Variants in LRRC7 observed in about 807,000 individuals in gnomAD.
LRRC7 encodes leucine-rich repeat-containing protein 7.
LRRC7 carries 23 observed loss-of-function variants against 175.7 expected under a neutral mutation model. The observed-to-expected ratio is 0.13, with a 90% CI of 0.09 to 0.19. The LOEUF is 0.19. LRRC7 is among the 10% of genes least tolerant of loss of function. The pLI, the probability that LRRC7 is intolerant of heterozygous loss-of-function variation, is 1.00. For synonymous variants in LRRC7, 685 were observed against 680.9 expected (o/e 1.01, Z -0.09); for missense variants, 1,354 against 1,904.7 (o/e 0.71, Z 5.38).
At chr1:70,073,367 T>C (rs1275730830) in intron 23 of LRRC7, among the ~76,000 whole-genome samples, 1 of 152,024 alleles carries the variant, frequency 6.6e-6, no homozygotes, top group African/African-American at 2.4e-5. Context: ...GTCTGAAGGC[T>C]ATTACACCGG....
Position 70,111,819 on chromosome 1 carries a change from C to A in LRRC7, c.4620+3993C>A, listed in dbSNP as rs74755132. On this transcript the variant is annotated intron_variant, in intron 26 of 26. Coordinates refer to ENST00000651989, the MANE Select transcript of LRRC7 (RefSeq NM_001370785.2). ...AACCCTCTCCTCTTCATTTACCCAC[C>A]CCCATCTCCATACATAAGCCTAATT... Among the ~76,000 whole-genome samples, 25 of 152,212 alleles carry A rather than the reference C, an allele frequency of 1.6e-4. No homozygotes were observed. The East Asian group carries it at 4.8e-3, about 29-fold the overall frequency.
At chr1:70,042,144 T>C (rs1166887518) in intron 21 of LRRC7, among the ~76,000 whole-genome samples, 1 of 152,210 alleles carries the variant, frequency 6.6e-6, no homozygotes, top group Non-Finnish European at 1.5e-5. Context: ...CTCTTTCTTT[T>C]GTTTTCGCCA....
intron 4 of LRRC7, among the ~76,000 whole-genome samples, chr1:69,820,721 A>G (rs1011367255): frequency 1.4e-4 from 22 of 152,146 alleles, no homozygotes; most frequent in African/African-American, 5.3e-4. Context: ...ATAGTATTCC[A>G]TGGTGTATAT....
chr1:69,969,012 G>A (rs968663720), intron 8 of LRRC7, among the ~76,000 whole-genome samples: 2 of 151,810 alleles, frequency 1.3e-5, no homozygotes, highest in African/African-American at 2.4e-5. Flanking sequence ...TAGAGACAGG[G>A]TTTCACCGTG....
chr1:69,579,604 G>C (rs1646108466), intron 1 of LRRC7, among the ~76,000 whole-genome samples: 1 of 152,088 alleles, frequency 6.6e-6, no homozygotes, highest in African/African-American at 2.4e-5. Flanking sequence ...TGCATGTTGT[G>C]TGAATGACTG....
intron 24 of LRRC7, among the ~76,000 whole-genome samples, chr1:70,088,876 C>T (rs1356419624): frequency 2.0e-5 from 3 of 152,112 alleles, no homozygotes; most frequent in African/African-American, 4.8e-5. Flanking sequence ...CCAAGGCGGA[C>T]CCTACCCCTA....
At chr1:69,685,408 G>A (rs1404659202) in intron 2 of LRRC7, among the ~76,000 whole-genome samples, 1 of 152,048 alleles carries the variant, frequency 6.6e-6, no homozygotes, top group Non-Finnish European at 1.5e-5. Flanking sequence ...AGACAAATTA[G>A]ATAATGGAAT....
rs562473333 is a variant in LRRC7 at position 70,064,608 on chromosome 1, A to G, written c.4230+11463A>G. On this transcript the variant is annotated intron_variant, in intron 23 of 26. Coordinates refer to ENST00000651989, the MANE Select transcript of LRRC7 (RefSeq NM_001370785.2). ...CACCAGGAATATATTTGATATATAT[A>G]TAGCTAGTACTTTTTGGCACTGCTT... Among the ~76,000 whole-genome samples, 3 of 151,956 alleles carry G rather than the reference A, an allele frequency of 2.0e-5. No homozygotes were observed. In the South Asian group the frequency reaches 6.2e-4, roughly 32 times the overall value.
At position 70,131,116 on chromosome 1, in the gene LRRC7, G is replaced by GA. The variant is rs1192427079; in HGVS notation, c.*9237dup. On this transcript the variant is annotated 3_prime_UTR_variant, in exon 27 of 27. Coordinates refer to ENST00000651989, the MANE Select transcript of LRRC7 (RefSeq NM_001370785.2). Reference sequence around the variant, plus strand: ...TGATTAACTATTTAGATAGAGCACAGAAAAAAAATCAGGGTTACCTTGACA... The same window carrying GA: ...TGATTAACTATTTAGATAGAGCACAGAAAAAAAAATCAGGGTTACCTTGACA... Among the ~76,000 whole-genome samples the GA allele has an allele frequency of 1.3e-5, 2 of 151,890 alleles. No individual in the cohort carries two copies. Among genetic ancestry groups the GA allele is most frequent in the Admixed American group, 6.6e-5 (1 of 15,258 alleles).
rs1660128334 is a variant in LRRC7, at chr1:70,043,950, T to C, written c.3970-4T>C. The C allele has an allele frequency of 6.2e-7, 1 of 1,604,480 alleles. No homozygotes were observed. On this transcript the variant is annotated splice_polypyrimidine_tract_variant and splice_region_variant and intron_variant, in intron 21 of 26. Transcript: ENST00000651989. ...CCTGTCACATGATTATTTCCTCTACTCAGAATGCTGCTTACAAACACAATA... is the reference window on the plus strand; with the variant it reads ...CCTGTCACATGATTATTTCCTCTACCCAGAATGCTGCTTACAAACACAATA...
chr1:70,005,353 G>C (rs1655909641), intron 11 of LRRC7, among the ~76,000 whole-genome samples: 1 of 152,090 alleles, frequency 6.6e-6, no homozygotes, highest in Non-Finnish European at 1.5e-5. Context: ...CATCTACATT[G>C]ATCATAGATT....
Position 70,126,367 on chromosome 1 carries a change from G to T in LRRC7, c.*4480G>T, listed in dbSNP as rs922591774. Among the ~76,000 whole-genome samples, 1 of 151,824 alleles carries T rather than the reference G, an allele frequency of 6.6e-6. No individual in the cohort carries two copies. Among genetic ancestry groups the T allele is most frequent in the African/African-American group, 2.4e-5 (1 of 41,296 alleles). On this transcript the variant is annotated 3_prime_UTR_variant, in exon 27 of 27. Coordinates refer to ENST00000651989, the MANE Select transcript of LRRC7 (RefSeq NM_001370785.2). Reference sequence around the variant, plus strand: ...CTTTATCTAGTATAAAGAAAAGCGGGGTTGAAGTTCCACTGTAGTTCCTTT... The same window carrying T: ...CTTTATCTAGTATAAAGAAAAGCGGTGTTGAAGTTCCACTGTAGTTCCTTT...
At chr1:69,972,984 A>G (rs1017763456) in intron 8 of LRRC7, among the ~76,000 whole-genome samples, 21 of 146,028 alleles carry the variant, frequency 1.4e-4, no homozygotes, top group African/African-American at 5.0e-4. Flanking sequence ...TAAATACTAT[A>G]TATATAAATA....
chr1:69,736,678 T>C lies in LRRC7; in HGVS notation c.101-23513T>C, dbSNP rs1403370501. Among the ~76,000 whole-genome samples the C allele has an allele frequency of 3.9e-5, 6 of 152,246 alleles. No homozygotes were observed. In the South Asian group the frequency reaches 1.2e-3, roughly 32 times the overall value. Reference sequence around the variant, plus strand: ...GTTTTTATAGTAAAGCCATCACCTATTTGAATATGAATTCACTTAGTCAGG... The same window carrying C: ...GTTTTTATAGTAAAGCCATCACCTACTTGAATATGAATTCACTTAGTCAGG... On this transcript the variant is annotated intron_variant, in intron 2 of 26. Coordinates refer to ENST00000651989, the MANE Select transcript of LRRC7 (RefSeq NM_001370785.2).
chr1:69,912,258 G>A (rs1311461689), intron 7 of LRRC7, among the ~76,000 whole-genome samples: 2 of 152,122 alleles, frequency 1.3e-5, no homozygotes, highest in African/African-American at 4.8e-5. Context: ...GACACATTGT[G>A]TGTCCTTGTA....
At chr1:70,004,741 C>CTCTCTT (rs1655847813) in intron 11 of LRRC7, among the ~76,000 whole-genome samples, 1 of 151,680 alleles carries the variant, frequency 6.6e-6, no homozygotes, top group South Asian at 2.1e-4. Flanking sequence ...CTCTCTCTCC[C>CTCTCTT]TCTCTTTCTC....
intron 23 of LRRC7, among the ~76,000 whole-genome samples, chr1:70,074,212 A>T (rs1662603340): frequency 6.6e-6 from 1 of 152,130 alleles, no homozygotes; most frequent in African/African-American, 2.4e-5. Context: ...CCAAAAAAAA[A>T]AAAAAAATAC....
intron 7 of LRRC7, among the ~76,000 whole-genome samples, chr1:69,920,941 C>A (rs552850335): frequency 6.6e-6 from 1 of 152,240 alleles, no homozygotes; most frequent in African/African-American, 2.4e-5. Flanking sequence ...CAATTTAATT[C>A]TCTCCTCATG....
At chr1:69,904,981 A>G (rs559708427) in intron 7 of LRRC7, among the ~76,000 whole-genome samples, 1 of 152,302 alleles carries the variant, frequency 6.6e-6, no homozygotes, top group Non-Finnish European at 1.5e-5. Context: ...ATGTATAATT[A>G]CATATGTAAC....
Sources: gnomAD v4.1 joint callset for allele counts (sites outside exome capture counted in the v4.1 genomes callset) on GRCh38, gnomAD v4.1.1 for gene constraint, MANE v1.5 for transcripts, NCBI Gene and HGNC (gene_info 2026-07-23, HGNC 2026-07-21) for gene names.